The following PTPRD variants were observed in gnomAD, a reference collection of about 807,000 sequenced individuals.
PTPRD encodes protein tyrosine phosphatase receptor type D.
PTPRD carries 34 observed loss-of-function variants against 214.5 expected under a neutral mutation model. That is an observed-to-expected ratio of 0.16 (90% confidence interval 0.12 to 0.21). PTPRD has a LOEUF of 0.21. Among genes scored for constraint, PTPRD ranks in the 10% least tolerant of loss-of-function variants. The pLI is 1.00. For missense variants in PTPRD, 2,545 were observed against 2,398.7 expected, an observed-to-expected ratio of 1.06 and a Z score of -1.27; for synonymous variants, 1,128 against 845.7, an observed-to-expected ratio of 1.33 and a Z score of -5.79.
intron 7 of PTPRD, among the ~76,000 whole-genome samples, chr9:9,662,114 T>C (rs1009302333): frequency 6.6e-6 from 1 of 151,758 alleles, no homozygotes. Flanking sequence ...ATTCTTCTCA[T>C]TGAGAGTAAA....
At chr9:8,916,475 C>T (rs1251121186) in intron 11 of PTPRD, among the ~76,000 whole-genome samples, 3 of 151,898 alleles carry the variant, frequency 2.0e-5, no homozygotes, top group Non-Finnish European at 4.4e-5. Flanking sequence ...AAGGGGTGTT[C>T]CCTAGAATAT....
intron 14 of PTPRD, among the ~76,000 whole-genome samples, chr9:8,629,241 A>G (rs539186024): frequency 9.5e-4 from 144 of 151,968 alleles, no homozygotes; most frequent in African/African-American, 3.3e-3. Context: ...ATAATTATTG[A>G]TGTCTTTCCT....
At chr9:9,821,878 G>A (rs1001586514) in intron 5 of PTPRD, among the ~76,000 whole-genome samples, 1 of 150,514 alleles carries the variant, frequency 6.6e-6, no homozygotes, top group African/African-American at 2.4e-5. Flanking sequence ...GCCTGTATAT[G>A]TATGTGTGCA....
chr9:10,555,530 T>C (rs2131304374), intron 2 of PTPRD, among the ~76,000 whole-genome samples: 1 of 152,266 alleles, frequency 6.6e-6, no homozygotes, highest in Non-Finnish European at 1.5e-5. Flanking sequence ...TAGCATGCCT[T>C]TCCCCACCTC....
intron 3 of PTPRD, among the ~76,000 whole-genome samples, chr9:10,082,534 C>T (rs996558156): frequency 6.6e-5 from 10 of 151,760 alleles, no homozygotes; most frequent in African/African-American, 2.4e-4. Context: ...TTACAAATTA[C>T]AAGACAGAAA....
intron 12 of PTPRD, among the ~76,000 whole-genome samples, chr9:8,655,923 T>C (rs1251137429): frequency 4.6e-5 from 7 of 152,160 alleles, no homozygotes; most frequent in Admixed American, 1.3e-4. Context: ...GAATCTTCCA[T>C]GGTTCGCTAC....
intron 43 of PTPRD, among the ~76,000 whole-genome samples, chr9:8,335,401 A>T (rs1475955186): frequency 6.6e-6 from 1 of 152,216 alleles, no homozygotes; most frequent in Non-Finnish European, 1.5e-5. Context: ...CCACATGATT[A>T]TCTCAATAGA....
chr9:8,696,577 A>AG (rs755797379), intron 12 of PTPRD, among the ~76,000 whole-genome samples: 6 of 152,168 alleles, frequency 3.9e-5, no homozygotes, highest in Non-Finnish European at 8.8e-5. Context: ...ATCACAGAAG[A>AG]GGGGGCAGGG....
chr9:9,812,381 C>G (rs571894153), intron 5 of PTPRD, among the ~76,000 whole-genome samples: 291 of 151,380 alleles, frequency 1.9e-3, no homozygotes, highest in Non-Finnish European at 3.3e-3. Context: ...TACAAAGTGA[C>G]TTAGTGGATT....
At chr9:8,376,443 C>A (rs559873458) in intron 38 of PTPRD, among the ~76,000 whole-genome samples, 164 bp downstream of exon 38, 2 of 152,044 alleles carry the variant, frequency 1.3e-5, no homozygotes, top group South Asian at 4.2e-4. Context: ...AATCGCCAGA[C>A]AAGAAGAAAA....
At chr9:9,945,084 G>C (rs556604068) in intron 4 of PTPRD, among the ~76,000 whole-genome samples, 1 of 152,248 alleles carries the variant, frequency 6.6e-6, no homozygotes, top group Non-Finnish European at 1.5e-5. Flanking sequence ...AAAAGAAATT[G>C]ATAAAGTATA....
intron 2 of PTPRD, among the ~76,000 whole-genome samples, chr9:10,405,389 A>C (rs1001990039): frequency 1.3e-5 from 2 of 151,720 alleles, no homozygotes; most frequent in African/African-American, 4.8e-5. Flanking sequence ...TTAACAAGAA[A>C]AGTAAACTTT....
intron 3 of PTPRD, among the ~76,000 whole-genome samples, chr9:10,050,486 G>A (rs2097511074): frequency 6.9e-6 from 1 of 144,370 alleles, no homozygotes; most frequent in African/African-American, 2.6e-5. Flanking sequence ...CTTGAACCCA[G>A]GAGGTGGAGG....
At chr9:10,226,193 C>A (rs1047723902) in intron 3 of PTPRD, among the ~76,000 whole-genome samples, 18 of 152,086 alleles carry the variant, frequency 1.2e-4, no homozygotes, top group African/African-American at 4.3e-4. Context: ...GCACTTAGTA[C>A]CTGGATAAGG....
At chr9:10,214,268 TTTTGTTTG>T (rs527962731) in intron 3 of PTPRD, among the ~76,000 whole-genome samples, 1 of 151,766 alleles carries the variant, frequency 6.6e-6, no homozygotes, top group African/African-American at 2.4e-5. Context: ...AATTAATTCT[TTTTGTTTG>T]TTTGTTTGTT....
chr9:9,655,911 G>A (rs540707234), intron 7 of PTPRD, among the ~76,000 whole-genome samples: 1 of 152,198 alleles, frequency 6.6e-6, no homozygotes, highest in East Asian at 1.9e-4. Context: ...CCAGGAGACG[G>A]AGGTTGCAGT....
chr9:8,473,710 C>T (rs945463911), intron 30 of PTPRD, among the ~76,000 whole-genome samples: 2 of 152,030 alleles, frequency 1.3e-5, no homozygotes, highest in African/African-American at 4.8e-5. Context: ...ATTCTTTCTT[C>T]GGCAGCACTC....
chr9:8,468,262 T>C (rs2096582784), intron 31 of PTPRD, among the ~76,000 whole-genome samples: 1 of 151,968 alleles, frequency 6.6e-6, no homozygotes, highest in Non-Finnish European at 1.5e-5. Context: ...ATGGTTCAAA[T>C]GGGCTCAGAT....
At chr9:9,236,251 C>A (rs1361574746) in intron 9 of PTPRD, among the ~76,000 whole-genome samples, 5 of 152,036 alleles carry the variant, frequency 3.3e-5, no homozygotes, top group Non-Finnish European at 7.4e-5. Context: ...AAAACCCCAT[C>A]CCAAAATAAA....
Sources: gnomAD v4.1 joint callset for allele counts (sites outside exome capture counted in the v4.1 genomes callset) on GRCh38, gnomAD v4.1.1 for gene constraint, MANE v1.5 for transcripts, NCBI Gene and HGNC (gene_info 2026-07-23, HGNC 2026-07-21) for gene names.